The following SLC28A1 variants were observed in gnomAD, a reference collection of about 807,000 sequenced individuals.
SLC28A1 encodes solute carrier family 28 member 1.
SLC28A1 carries 64 observed loss-of-function variants against 74.8 expected under a neutral mutation model. The observed-to-expected ratio is 0.86, with a 90% CI of 0.70 to 1.05. SLC28A1 has a LOEUF of 1.05. Among genes scored for constraint, SLC28A1 ranks in the 50% least tolerant of loss-of-function variants. The probability of loss-of-function intolerance (pLI) is 0.00; values close to 1 mark genes in which losing one functional copy is unlikely to be tolerated. For synonymous variants in SLC28A1, 359 were observed against 335.0 expected, an observed-to-expected ratio of 1.07 and a Z score of -0.78; for missense variants, 828 against 822.8, an observed-to-expected ratio of 1.01 and a Z score of -0.08.
At chr15:84,928,807 G>C (rs1321017029) in intron 12 of SLC28A1, among the ~76,000 whole-genome samples, 2 of 151,530 alleles carry the variant, frequency 1.3e-5, no homozygotes, top group African/African-American at 4.9e-5. Flanking sequence ...ATTTTTAGTA[G>C]AGACAGGGTT....
At chr15:84,904,539 C>T (rs975852580) in intron 7 of SLC28A1, among the ~76,000 whole-genome samples, 12 of 152,190 alleles carry the variant, frequency 7.9e-5, no homozygotes, top group Non-Finnish European at 1.5e-4. Context: ...ACCACCTCCA[C>T]CCCCAACCAC....
chr15:84,929,739 A>G (rs1279280219), intron 12 of SLC28A1, among the ~76,000 whole-genome samples: 1 of 152,186 alleles, frequency 6.6e-6, no homozygotes, highest in East Asian at 1.9e-4. Flanking sequence ...GCACACATCT[A>G]TAGTCCCAGG....
the SLC28A1 span, among the ~76,000 whole-genome samples, chr15:84,952,327 G>C: frequency 6.6e-6 from 1 of 152,124 alleles, no homozygotes; most frequent in African/African-American, 2.4e-5. Context: ...TCCAAGGTGG[G>C]ACTCATTTCT....
Position 84,943,503 on chromosome 15 carries a change from T to C in SLC28A1, c.1640T>C (p.Ile547Thr), listed in dbSNP as rs749733181. 65 of 1,613,864 alleles carry C rather than the reference T, an allele frequency of 4.0e-5. No individual in the cohort carries two copies. The highest frequency in any genetic ancestry group is 1.6e-4 in the Middle Eastern group (1 of 6,082). Residue 547 changes from isoleucine (I) to threonine (T), a missense_variant, in exon 16 of 19, where the codon ATT becomes ACT. Transcript: ENST00000394573. ...TGTGGATTTGCCAATTTCAGCTCCATTGGGATCATGCTGGGAGGCTTGAGT... is the reference window on the plus strand; with the variant it reads ...TGTGGATTTGCCAATTTCAGCTCCACTGGGATCATGCTGGGAGGCTTGAGT... ...ALCGFANFSS[I>T]GIMLGGLTSM...
chr15:84,918,343 C>G (rs747570639), intron 9 of SLC28A1, among the ~76,000 whole-genome samples, 181 bp from the exon 10 acceptor site: 1 of 152,066 alleles, frequency 6.6e-6, no homozygotes, highest in Non-Finnish European at 1.5e-5. Context: ...TCCAAAGAGG[C>G]CCTGCATGTG....
chr15:84,918,395 G>A (rs1186439739), intron 9 of SLC28A1, 129 bp from the exon 10 acceptor site: 10 of 770,816 alleles, frequency 1.3e-5, no homozygotes, highest in African/African-American at 3.4e-5. Flanking sequence ...GCATCTTCCC[G>A]GATCCTGTCA....
chr15:84,931,343 T>C (rs923929831), intron 12 of SLC28A1, among the ~76,000 whole-genome samples: 4 of 151,612 alleles, frequency 2.6e-5, no homozygotes, highest in African/African-American at 9.7e-5. Flanking sequence ...TTTTGTTTAT[T>C]AAAAAAAATA....
chr15:84,905,412 C>A (rs1381057092), intron 7 of SLC28A1, 127 bp from the exon 8 acceptor site: 2 of 715,968 alleles, frequency 2.8e-6, no homozygotes, highest in African/African-American at 1.7e-5. Context: ...TGGCAACAGG[C>A]CTAGTACTCT....
chr15:84,927,061 G>T (rs2122859), intron 12 of SLC28A1, among the ~76,000 whole-genome samples: 29,501 of 151,950 alleles, frequency 0.19, 3,370 homozygotes, highest in South Asian at 0.43. Context: ...TGGGCTCAGG[G>T]GCTTTGGTTT....
At chr15:84,896,011 C>T (rs1157285589) in intron 6 of SLC28A1, 6 of 870,152 alleles carry the variant, frequency 6.9e-6, no homozygotes, top group Non-Finnish European at 6.9e-6. Context: ...CATTTGACTT[C>T]TCTTTATTAA....
intron 15 of SLC28A1, 118 bp downstream of exon 15, chr15:84,935,636 C>T: frequency 1.2e-6 from 1 of 816,670 alleles, no homozygotes; most frequent in Non-Finnish European, 2.0e-6. Flanking sequence ...TGAAGTGGTG[C>T]TTCACCTCCT....
chr15:84,887,314 C>T lies in SLC28A1; in HGVS notation c.-16-431C>T, dbSNP rs1165961580. 8.2e-6 allele frequency: 8 copies of T among 980,032 alleles called. No homozygotes were observed. In the South Asian group the frequency reaches 1.4e-4, roughly 17 times the overall value. 60.7% of individuals were successfully genotyped at this position (980,032 alleles called of 1,614,324 possible). A position where few individuals can be genotyped will look rare whatever the true frequency, so the allele number is the denominator to read the frequency against. Reference sequence around the variant, plus strand: ...CTGTATATAATTCTTTACTTTCCTTCCCTATGAAGTGGGCAGAATTTGCTG... The same window carrying T: ...CTGTATATAATTCTTTACTTTCCTTTCCTATGAAGTGGGCAGAATTTGCTG... On this transcript the variant is annotated intron_variant, in intron 2 of 18. Coordinates refer to ENST00000394573, the MANE Select transcript of SLC28A1 (RefSeq NM_004213.5).
At chr15:84,946,083 T>TATATATA (rs1321419859), downstream of SLC28A1, among the ~76,000 whole-genome samples, 904 of 36,086 alleles carry the variant, frequency 0.025, 205 homozygotes, top group Non-Finnish European at 0.034. Context: ...TGTGTGTATG[T>TATATATA]TCATATATAT....
At chr15:84,952,281 G>A in the SLC28A1 span, among the ~76,000 whole-genome samples, 1 of 152,182 alleles carries the variant, frequency 6.6e-6, no homozygotes, top group Non-Finnish European at 1.5e-5. Context: ...AGGCTGTGTG[G>A]CTATCTGCTC....
intron 6 of SLC28A1, among the ~76,000 whole-genome samples, chr15:84,898,820 C>T (rs1456044221): frequency 3.9e-5 from 6 of 152,090 alleles, no homozygotes; most frequent in African/African-American, 1.4e-4. Context: ...CAGACCACAG[C>T]ACAGGGAAGG....
intron 1 of SLC28A1, chr15:84,886,245 T>A (rs113399989): frequency 5.1e-6 from 5 of 985,338 alleles, no homozygotes; most frequent in African/African-American, 1.7e-5. Context: ...TTTCCTCATT[T>A]TCCAGCACAG....
intron 12 of SLC28A1, among the ~76,000 whole-genome samples, chr15:84,925,221 G>A (rs1056395611): frequency 1.8e-4 from 28 of 151,964 alleles, no homozygotes; most frequent in African/African-American, 6.5e-4. Context: ...GCCTGGCCTG[G>A]TAATTGCTTT....
chr15:84,921,371 C>G (rs570811650), intron 11 of SLC28A1, among the ~76,000 whole-genome samples: 1 of 152,320 alleles, frequency 6.6e-6, no homozygotes, highest in South Asian at 2.1e-4. Flanking sequence ...GAAACAGGCT[C>G]AGGGGATGGG....
chr15:84,959,761 T>C, the SLC28A1 span, among the ~76,000 whole-genome samples: 2 of 152,232 alleles, frequency 1.3e-5, no homozygotes, highest in African/African-American at 2.4e-5. Context: ...GCATTTTTCT[T>C]TGTCCATGTG....
Sources: allele counts gnomAD v4.1 joint callset (sites outside exome capture counted in the v4.1 genomes callset), GRCh38; gene constraint gnomAD v4.1.1; transcripts MANE v1.5; gene names NCBI Gene and HGNC (gene_info 2026-07-23, HGNC 2026-07-21).